Variants in TSPAN18 observed in about 807,000 individuals in gnomAD.
TSPAN18 encodes tetraspanin 18.
A neutral mutation model predicts 27.3 loss-of-function variants in TSPAN18; 14 were observed. The ratio of observed to expected loss-of-function variants is 0.51; its 90% confidence interval spans 0.34 to 0.80. TSPAN18 has a LOEUF of 0.80. TSPAN18 is among the 30% of genes least tolerant of loss of function. TSPAN18 has a pLI of 0.01. For missense variants in TSPAN18, 268 were observed against 323.9 expected, an observed-to-expected ratio of 0.83 and a Z score of 1.32; for synonymous variants, 143 against 136.5, an observed-to-expected ratio of 1.05 and a Z score of -0.33.
chr11:44,805,898 A>G (rs1856582144), intron 2 of TSPAN18, among the ~76,000 whole-genome samples: 2 of 151,996 alleles, frequency 1.3e-5, no homozygotes, highest in African/African-American at 4.8e-5. Flanking sequence ...TCCTCTTAAA[A>G]AGACACAGTC....
chr11:44,780,406 C>T (rs2134948469), intron 2 of TSPAN18, among the ~76,000 whole-genome samples: 1 of 152,364 alleles, frequency 6.6e-6, no homozygotes, highest in Admixed American at 6.5e-5. Context: ...TACAAGTGCC[C>T]TCCGAGGCTG....
chr11:44,848,379 GC>G (rs1451822063), intron 2 of TSPAN18, among the ~76,000 whole-genome samples: 1 of 152,234 alleles, frequency 6.6e-6, no homozygotes, highest in Non-Finnish European at 1.5e-5. Flanking sequence ...GCTCCACTGA[GC>G]TGCCTTCCCC....
intron 2 of TSPAN18, among the ~76,000 whole-genome samples, chr11:44,848,005 T>TC (rs11449485): frequency 0.88 from 132,997 of 151,664 alleles, 58,382 homozygotes; most frequent in East Asian, 0.93. Context: ...GGCTAATTTT[T>TC]AGTATTTTTA....
At chr11:44,908,080 C>T (rs1233517257) in intron 4 of TSPAN18, among the ~76,000 whole-genome samples, 2 of 137,822 alleles carry the variant, frequency 1.5e-5, no homozygotes, top group Non-Finnish European at 3.1e-5. Flanking sequence ...AGGAGAGAGA[C>T]ACTGCACAGC....
chr11:44,807,185 T>A (rs1290900170), intron 2 of TSPAN18, among the ~76,000 whole-genome samples: 1 of 112,772 alleles, frequency 8.9e-6, no homozygotes, highest in African/African-American at 3.9e-5. Flanking sequence ...AGCAAGACCC[T>A]GTCTCTTAAA....
At chr11:44,909,243 T>G (rs888136817) in intron 4 of TSPAN18, among the ~76,000 whole-genome samples, 4 of 152,176 alleles carry the variant, frequency 2.6e-5, no homozygotes, top group African/African-American at 7.2e-5. Context: ...AGCATGTTCA[T>G]GGACCTTTGT....
chr11:44,791,036 A>G (rs1318574546), intron 2 of TSPAN18, among the ~76,000 whole-genome samples: 3 of 152,202 alleles, frequency 2.0e-5, no homozygotes, highest in African/African-American at 7.2e-5. Flanking sequence ...CAGACCCTCA[A>G]GAAATGAAGG....
intron 9 of TSPAN18, among the ~76,000 whole-genome samples, chr11:44,928,809 C>T (rs533176065): frequency 6.6e-6 from 1 of 152,250 alleles, no homozygotes; most frequent in Non-Finnish European, 1.5e-5. Context: ...AAAACTGTGC[C>T]TGGCACATGG....
intron 3 of TSPAN18, among the ~76,000 whole-genome samples, chr11:44,896,570 C>T (rs532774480): frequency 3.0e-4 from 45 of 152,254 alleles, no homozygotes; most frequent in African/African-American, 1.1e-3. Flanking sequence ...GTGCCAGCTC[C>T]CGGGGCTGTG....
At chr11:44,881,047 T>C (rs1439979831) in intron 3 of TSPAN18, among the ~76,000 whole-genome samples, 3 of 152,250 alleles carry the variant, frequency 2.0e-5, no homozygotes, top group Non-Finnish European at 4.4e-5. Flanking sequence ...GCCCAGACTC[T>C]GCAGCCTGAC....
At chr11:44,824,934 C>T (rs1375183383) in intron 2 of TSPAN18, among the ~76,000 whole-genome samples, 2 of 152,196 alleles carry the variant, frequency 1.3e-5, no homozygotes, top group South Asian at 2.1e-4. Context: ...TCAACATCAG[C>T]TCATCCTTGT....
chr11:44,910,047 G>C (rs1859650848), intron 5 of TSPAN18, 148 bp downstream of exon 5: 1 of 905,910 alleles, frequency 1.1e-6, no homozygotes, highest in East Asian at 2.7e-5. Context: ...TCATGGAGAT[G>C]AGCACGTCTG....
At chr11:44,770,906 G>A (rs191163367) in intron 2 of TSPAN18, among the ~76,000 whole-genome samples, 11 of 152,286 alleles carry the variant, frequency 7.2e-5, no homozygotes, top group Admixed American at 2.0e-4. Context: ...AGAGCCTAGG[G>A]TGGGTTCTGG....
intron 3 of TSPAN18, among the ~76,000 whole-genome samples, chr11:44,904,278 C>G (rs1323702645): frequency 6.6e-6 from 1 of 152,228 alleles, no homozygotes; most frequent in Non-Finnish European, 1.5e-5. Flanking sequence ...GTGGCCCCGC[C>G]TGTGCCTCCC....
At chr11:44,776,967 A>T (rs1316588868) in intron 2 of TSPAN18, among the ~76,000 whole-genome samples, 1 of 152,306 alleles carries the variant, frequency 6.6e-6, no homozygotes, top group South Asian at 2.1e-4. Flanking sequence ...GAGGAGAAAG[A>T]TACCCCCTCT....
At chr11:44,766,620 G>A (rs1438110366) in intron 2 of TSPAN18, among the ~76,000 whole-genome samples, 1 of 152,244 alleles carries the variant, frequency 6.6e-6, no homozygotes, top group Non-Finnish European at 1.5e-5. Flanking sequence ...AGCAGCAGGG[G>A]TGCTGTTGTT....
chr11:44,807,527 C>CAAAAA (rs59241339), intron 2 of TSPAN18, among the ~76,000 whole-genome samples: 609 of 63,012 alleles, frequency 9.7e-3, no homozygotes, highest in Middle Eastern at 0.015. Flanking sequence ...AACTCCATCT[C>CAAAAA]AAAAAAAAAA....
intron 2 of TSPAN18, among the ~76,000 whole-genome samples, chr11:44,801,964 C>G (rs968679356): frequency 1.3e-5 from 2 of 152,040 alleles, no homozygotes; most frequent in Admixed American, 6.6e-5. Flanking sequence ...CCTGGGAGGT[C>G]AAGACTGCAG....
intron 2 of TSPAN18, among the ~76,000 whole-genome samples, chr11:44,786,509 A>C (rs1856060537): frequency 6.6e-6 from 1 of 151,116 alleles, no homozygotes; most frequent in Non-Finnish European, 1.5e-5. Context: ...TGCTACCCCT[A>C]GGGGGCAAGC....
Sources: gnomAD v4.1 joint callset for allele counts (sites outside exome capture counted in the v4.1 genomes callset) on GRCh38, gnomAD v4.1.1 for gene constraint, MANE v1.5 for transcripts, NCBI Gene and HGNC (gene_info 2026-07-23, HGNC 2026-07-21) for gene names.